Variants in TENM3 observed in about 807,000 individuals in gnomAD.
TENM3 encodes teneurin transmembrane protein 3.
A neutral mutation model predicts 255.1 loss-of-function variants in TENM3; 63 were observed. That is an observed-to-expected ratio of 0.25 (90% CI 0.20 to 0.30). The LOEUF is 0.30. Ranked by LOEUF, TENM3 falls within the 10% of genes least tolerant of loss-of-function variation. The pLI is 1.00. For synonymous variants in TENM3, 1,306 were observed against 1,322.3 expected (o/e 0.99, Z 0.27); for missense variants, 2,929 against 3,461.1 (o/e 0.85, Z 3.86).
chr4:182,656,211 A>G (rs1422770543), intron 6 of TENM3, among the ~76,000 whole-genome samples: 2 of 152,210 alleles, frequency 1.3e-5, no homozygotes, highest in Non-Finnish European at 2.9e-5. Flanking sequence ...AGTGCACTAG[A>G]GAACTGCCAA....
At chr4:182,678,311 C>G (rs1283697679) in intron 7 of TENM3, among the ~76,000 whole-genome samples, 1 of 152,174 alleles carries the variant, frequency 6.6e-6, no homozygotes, top group African/African-American at 2.4e-5. Flanking sequence ...ATGTTCATGT[C>G]TAATTTTACT....
At chr4:182,639,874 G>A (rs973410760) in intron 5 of TENM3, among the ~76,000 whole-genome samples, 20 of 151,994 alleles carry the variant, frequency 1.3e-4, no homozygotes, top group African/African-American at 2.2e-4. Context: ...GGCAGATCAC[G>A]GGTTCAGGAG....
chr4:181,622,813 T>C, the TENM3 span, among the ~76,000 whole-genome samples: 1 of 152,146 alleles, frequency 6.6e-6, no homozygotes, highest in Non-Finnish European at 1.5e-5. Flanking sequence ...CCACATTCCC[T>C]TTCTCTGGTA....
At chr4:182,625,584 C>T (rs1425384798) in intron 4 of TENM3, among the ~76,000 whole-genome samples, 2 of 152,236 alleles carry the variant, frequency 1.3e-5, no homozygotes, top group East Asian at 3.9e-4. Flanking sequence ...AGCGAATTGT[C>T]CCACAGTCAT....
chr4:182,189,989 G>T (rs561250781), intron 1 of TENM3, among the ~76,000 whole-genome samples: 3 of 152,086 alleles, frequency 2.0e-5, no homozygotes, highest in African/African-American at 4.8e-5. Flanking sequence ...ATTTTCTTAC[G>T]AACTGTTTTC....
At chr4:182,714,429 T>C (rs746115451) in intron 13 of TENM3, among the ~76,000 whole-genome samples, 196 bp downstream of exon 13, 26 of 151,924 alleles carry the variant, frequency 1.7e-4, no homozygotes, top group Non-Finnish European at 1.3e-4. Flanking sequence ...AAATGCAAGA[T>C]TATTATCATT....
At chr4:182,742,937 A>G (rs1310546398) in intron 18 of TENM3, among the ~76,000 whole-genome samples, 1 of 152,208 alleles carries the variant, frequency 6.6e-6, no homozygotes, top group South Asian at 2.1e-4. Context: ...TTCACCAGAC[A>G]TGATTTCAGT....
intron 6 of TENM3, among the ~76,000 whole-genome samples, chr4:182,662,065 G>A (rs552299425): frequency 1.3e-5 from 2 of 152,110 alleles, no homozygotes; most frequent in East Asian, 1.9e-4. Flanking sequence ...ACAGCATCTC[G>A]GTTGGTAAAC....
chr4:182,111,544 G>A, the TENM3 span, among the ~76,000 whole-genome samples: 29 of 152,290 alleles, frequency 1.9e-4, no homozygotes, highest in Non-Finnish European at 3.2e-4. Flanking sequence ...GGATGCACGT[G>A]CAATGGAAAG....
In TENM3 at chr4:182,161,791, A is replaced by ATATGTGTATATATG. The variant is rs1561153404; in HGVS notation, c.-76+17038_-76+17039insATGTGTATATATGT. On this transcript the variant is annotated intron_variant, in intron 1 of 2. Coordinates refer to the TENM3 transcript ENST00000512480. ...TGTGTATATATATATACACAAATAT[A>ATATGTGTATATATG]TGTATATATATACACATATATATGT... 1.1e-3 allele frequency among the ~76,000 whole-genome samples: 38 copies of ATATGTGTATATATG among 34,288 alleles called. 9 individuals are homozygous for ATATGTGTATATATG. In the East Asian group the frequency reaches 0.017, roughly 15 times the overall value. The allele number at this position is 34,288 out of a possible 152,430, so 22.5% of individuals were successfully genotyped here.
At chr4:182,395,795 C>G (rs994648667) in intron 3 of TENM3, among the ~76,000 whole-genome samples, 2 of 152,158 alleles carry the variant, frequency 1.3e-5, no homozygotes, top group Non-Finnish European at 2.9e-5. Context: ...GCTGAATGGT[C>G]TGAAATGCCC....
At chr4:181,549,668 A>T in the TENM3 span, among the ~76,000 whole-genome samples, 1 of 152,178 alleles carries the variant, frequency 6.6e-6, no homozygotes, top group East Asian at 1.9e-4. Context: ...GGCCTGACTT[A>T]TTCCAGGAAA....
At chr4:182,042,880 C>CGTGT in the TENM3 span, among the ~76,000 whole-genome samples, 15 of 149,364 alleles carry the variant, frequency 1.0e-4, no homozygotes, top group East Asian at 9.9e-4. Flanking sequence ...ATCGTGTGTG[C>CGTGT]GTGTGTGTGT....
rs70954298 is a variant in TENM3 at position 182,186,762 on chromosome 4, C to CATATATATATATATAT, written c.-76+42045_-76+42060dup. On this transcript the variant is annotated intron_variant, in intron 1 of 2. Transcript: ENST00000512480. Reference sequence around the variant, plus strand: ...TTGGGTAAGAAATATACTAATGCATCATATATATATATATATATATATATA... The same window carrying CATATATATATATATAT: ...TTGGGTAAGAAATATACTAATGCATCATATATATATATATATATATATATATATATATATATATATA... 6.2e-4 allele frequency among the ~76,000 whole-genome samples: 17 copies of CATATATATATATATAT among 27,494 alleles called. 3 individuals carry two copies. Among genetic ancestry groups the CATATATATATATATAT allele is most frequent in the Non-Finnish European group, 1.1e-3 (15 of 13,520 alleles). 18.0% of individuals were successfully genotyped at this position (27,494 alleles called of 152,430 possible).
At chr4:181,935,476 G>C in the TENM3 span, among the ~76,000 whole-genome samples, 1 of 152,172 alleles carries the variant, frequency 6.6e-6, no homozygotes, top group African/African-American at 2.4e-5. Flanking sequence ...GGATGTCCTT[G>C]CTACCTTATG....
At chr4:181,666,734 A>G in the TENM3 span, among the ~76,000 whole-genome samples, 1 of 152,156 alleles carries the variant, frequency 6.6e-6, no homozygotes, top group Non-Finnish European at 1.5e-5. Flanking sequence ...GATCACTGAC[A>G]TTGTTAACAA....
chr4:181,470,099 T>C, the TENM3 span, among the ~76,000 whole-genome samples: 1 of 68,560 alleles, frequency 1.5e-5, no homozygotes, highest in Non-Finnish European at 3.2e-5. Context: ...AAATGAAATA[T>C]AGCTTCTGTA....
At chr4:182,222,472 T>C (rs1473999037) in intron 1 of TENM3, among the ~76,000 whole-genome samples, 2 of 152,218 alleles carry the variant, frequency 1.3e-5, no homozygotes, top group African/African-American at 4.8e-5. Context: ...CTTTAGCTTC[T>C]TGGTTTGTTC....
the TENM3 span, among the ~76,000 whole-genome samples, chr4:181,715,762 C>T: frequency 2.0e-5 from 3 of 152,204 alleles, no homozygotes; most frequent in East Asian, 5.8e-4. Flanking sequence ...TTCCAAAATG[C>T]CCTAGTGGGC....
Sources: allele counts gnomAD v4.1 joint callset (sites outside exome capture counted in the v4.1 genomes callset), GRCh38; gene constraint gnomAD v4.1.1; transcripts MANE v1.5; gene names NCBI Gene and HGNC (gene_info 2026-07-23, HGNC 2026-07-21).